The following SGCZ variants were observed in gnomAD, a reference collection of about 807,000 sequenced individuals.
The protein encoded by SGCZ is sarcoglycan zeta.
SGCZ carries 40 observed loss-of-function variants against 41.3 expected under a neutral mutation model. The ratio of observed to expected loss-of-function variants is 0.97; its 90% CI spans 0.75 to 1.26. SGCZ has a LOEUF of 1.26. Among genes scored for constraint, SGCZ ranks in the 50% most tolerant of loss-of-function variants. The probability of loss-of-function intolerance (pLI) is 0.00; values close to 1 mark genes in which losing one functional copy is unlikely to be tolerated. For missense variants in SGCZ, 552 were observed against 369.8 expected, an observed-to-expected ratio of 1.49 and a Z score of -4.04; for synonymous variants, 206 against 137.5, an observed-to-expected ratio of 1.50 and a Z score of -3.49.
chr8:14,772,175 T>C (rs73664474), intron 1 of SGCZ, among the ~76,000 whole-genome samples: 18,852 of 152,134 alleles, frequency 0.12, 1,772 homozygotes, highest in African/African-American at 0.25. Context: ...TGTAGGCTAA[T>C]GTAAGTGTTC....
At chr8:15,191,943 C>A (rs939333724) in intron 1 of SGCZ, among the ~76,000 whole-genome samples, 4 of 152,032 alleles carry the variant, frequency 2.6e-5, no homozygotes, top group African/African-American at 9.7e-5. Context: ...CATTATACAA[C>A]CCTGGGCCAA....
At chr8:14,964,816 C>T (rs1055061889) in intron 1 of SGCZ, among the ~76,000 whole-genome samples, 10 of 152,116 alleles carry the variant, frequency 6.6e-5, no homozygotes, top group Non-Finnish European at 1.2e-4. Context: ...GGGGGTGTAC[C>T]ACAGAACCCA....
chr8:14,521,546 T>C (rs1285477247), intron 2 of SGCZ, among the ~76,000 whole-genome samples: 22 of 152,240 alleles, frequency 1.4e-4, no homozygotes, highest in Admixed American at 1.4e-3. Flanking sequence ...TGTTTAACCA[T>C]CAATCTATTG....
chr8:15,062,566 T>C (rs1014575767), intron 1 of SGCZ, among the ~76,000 whole-genome samples: 5 of 152,158 alleles, frequency 3.3e-5, no homozygotes, highest in Non-Finnish European at 5.9e-5. Context: ...CTATTTCACT[T>C]ACTTTGGGAA....
chr8:14,233,856 A>T (rs941394727), intron 4 of SGCZ, among the ~76,000 whole-genome samples: 13 of 151,786 alleles, frequency 8.6e-5, no homozygotes, highest in African/African-American at 3.1e-4. Flanking sequence ...TGGTTCTGAG[A>T]CTCGTTTAAG....
intron 1 of SGCZ, among the ~76,000 whole-genome samples, chr8:14,711,935 C>T (rs1220092176): frequency 6.6e-6 from 1 of 152,038 alleles, no homozygotes; most frequent in Non-Finnish European, 1.5e-5. Flanking sequence ...AACCAAAATC[C>T]AACTCAGTGC....
intron 1 of SGCZ, among the ~76,000 whole-genome samples, chr8:15,011,183 A>G (rs1245156642): frequency 6.6e-6 from 1 of 152,218 alleles, no homozygotes; most frequent in African/African-American, 2.4e-5. Flanking sequence ...TTAGAAAATT[A>G]TCCTACATAG....
At chr8:14,916,246 T>C (rs1401326693) in intron 1 of SGCZ, among the ~76,000 whole-genome samples, 1 of 152,222 alleles carries the variant, frequency 6.6e-6, no homozygotes, top group Non-Finnish European at 1.5e-5. Context: ...CTTAAGATTA[T>C]ATAATGTAAG....
At chr8:14,118,147 A>C (rs1421502348) in intron 5 of SGCZ, among the ~76,000 whole-genome samples, 1 of 152,086 alleles carries the variant, frequency 6.6e-6, no homozygotes, top group East Asian at 1.9e-4. Flanking sequence ...TAGATCCTTG[A>C]GGAATCGCCA....
intron 1 of SGCZ, among the ~76,000 whole-genome samples, chr8:15,160,568 T>C (rs550120642): frequency 2.6e-5 from 4 of 152,220 alleles, no homozygotes; most frequent in African/African-American, 7.2e-5. Context: ...ATGTGATTTA[T>C]ATATTCAACA....
chr8:14,383,921 AT>A (rs35960880), intron 2 of SGCZ, among the ~76,000 whole-genome samples: 23,790 of 148,450 alleles, frequency 0.16, 4,281 homozygotes, highest in African/African-American at 0.45. Flanking sequence ...TTGTTTTGAG[AT>A]TTTTTTTTTA....
At chr8:14,255,052 TC>T (rs1368950549) in intron 3 of SGCZ, among the ~76,000 whole-genome samples, 2 of 152,126 alleles carry the variant, frequency 1.3e-5, no homozygotes, top group Non-Finnish European at 2.9e-5. Flanking sequence ...TGGGTGGATG[TC>T]CTCTATGTAT....
chr8:14,788,344 AT>A (rs1563269932), intron 1 of SGCZ, among the ~76,000 whole-genome samples: 1 of 152,174 alleles, frequency 6.6e-6, no homozygotes, highest in Non-Finnish European at 1.5e-5. Flanking sequence ...TGGGCGATTA[AT>A]TTCTCTAAGT....
At chr8:14,558,954 A>G (rs1354026594) in intron 1 of SGCZ, among the ~76,000 whole-genome samples, 1 of 152,056 alleles carries the variant, frequency 6.6e-6, no homozygotes, top group Non-Finnish European at 1.5e-5. Context: ...AACCCTCAAC[A>G]AAACTGGCAC....
At chr8:14,517,059 T>G (rs1802643814) in intron 2 of SGCZ, among the ~76,000 whole-genome samples, 1 of 152,014 alleles carries the variant, frequency 6.6e-6, no homozygotes, top group Non-Finnish European at 1.5e-5. Flanking sequence ...TCGTAAATTT[T>G]CAATAAGTCT....
intron 2 of SGCZ, among the ~76,000 whole-genome samples, chr8:14,396,693 G>GT (rs960298989): frequency 6.6e-6 from 1 of 151,720 alleles, no homozygotes; most frequent in African/African-American, 2.4e-5. Context: ...TTCTTCAGGG[G>GT]TTTTCTGAGA....
chr8:15,056,875 T>C (rs1474394137), intron 1 of SGCZ, among the ~76,000 whole-genome samples: 1 of 152,146 alleles, frequency 6.6e-6, no homozygotes, highest in African/African-American at 2.4e-5. Context: ...CCAGTTCACC[T>C]CTCTGAGCTA....
intron 2 of SGCZ, among the ~76,000 whole-genome samples, chr8:14,381,012 G>C (rs1054011175): frequency 2.2e-4 from 34 of 152,202 alleles, no homozygotes; most frequent in Admixed American, 7.2e-4. Context: ...TGCACATACA[G>C]TTATTTCCAC....
chr8:14,996,593 G>C (rs927832899), intron 1 of SGCZ, among the ~76,000 whole-genome samples: 5 of 152,096 alleles, frequency 3.3e-5, no homozygotes, highest in African/African-American at 9.7e-5. Flanking sequence ...TTGTCATTGA[G>C]GAAGTCAGAT....
Sources: gnomAD v4.1 joint callset for allele counts (sites outside exome capture counted in the v4.1 genomes callset) on GRCh38, gnomAD v4.1.1 for gene constraint, MANE v1.5 for transcripts, NCBI Gene and HGNC (gene_info 2026-07-23, HGNC 2026-07-21) for gene names.